GPHN: variants seen among roughly 807,000 people sequenced by gnomAD.
GPHN encodes gephyrin.
In GPHN, 17 loss-of-function variants were observed where a neutral mutation model predicts 95.5. The ratio of observed to expected loss-of-function variants is 0.18; its 90% CI spans 0.12 to 0.27. The LOEUF (loss-of-function observed/expected upper bound fraction) is 0.27, where lower values mean the gene tolerates loss of function less well. Among genes scored for constraint, GPHN ranks in the 10% least tolerant of loss-of-function variants. The pLI, the probability that GPHN is intolerant of heterozygous loss-of-function variation, is 1.00. For synonymous variants in GPHN, 320 were observed against 322.5 expected, an observed-to-expected ratio of 0.99 and a Z score of 0.08; for missense variants, 660 against 978.1, an observed-to-expected ratio of 0.67 and a Z score of 4.34.
chr14:66,523,092 G>A (rs541483610), intron 1 of GPHN, among the ~76,000 whole-genome samples: 2 of 152,000 alleles, frequency 1.3e-5, no homozygotes, highest in Admixed American at 1.3e-4. Context: ...AAATCTATTA[G>A]TGACGGCAAA....
intron 3 of GPHN, among the ~76,000 whole-genome samples, chr14:66,798,726 A>T (rs2060243498): frequency 6.6e-6 from 1 of 150,812 alleles, no homozygotes; most frequent in Non-Finnish European, 1.5e-5. Context: ...AATGTGGCTA[A>T]TGGTTTGTCA....
chr14:66,675,961 G>C (rs754874655), intron 1 of GPHN, among the ~76,000 whole-genome samples: 8 of 151,580 alleles, frequency 5.3e-5, no homozygotes, highest in Admixed American at 1.3e-4. Flanking sequence ...TGTTGATTTT[G>C]TATCCTGCAA....
the GPHN span, chr14:67,388,406 T>C: frequency 4.1e-6 from 3 of 739,776 alleles, no homozygotes; most frequent in Non-Finnish European, 7.4e-6. Context: ...GTGCAAATCA[T>C]TTGTAATAGA....
At chr14:67,721,310 A>G in the GPHN span, among the ~76,000 whole-genome samples, 1 of 152,142 alleles carries the variant, frequency 6.6e-6, no homozygotes, top group East Asian at 1.9e-4. Flanking sequence ...ACACACATCC[A>G]GAGGCACGAT....
the GPHN span, chr14:67,619,970 T>C: frequency 3.7e-4 from 590 of 1,577,304 alleles, 8 homozygotes; most frequent in South Asian, 6.3e-3. Context: ...TTCTCAGTGC[T>C]GCGGATCATG....
At chr14:67,267,749 G>A in the GPHN span, among the ~76,000 whole-genome samples, 1 of 152,068 alleles carries the variant, frequency 6.6e-6, no homozygotes, top group African/African-American at 2.4e-5. Context: ...GCCTTTTTCA[G>A]TCAGAATCTG....
chr14:67,250,605 A>T, the GPHN span, among the ~76,000 whole-genome samples: 1 of 152,216 alleles, frequency 6.6e-6, no homozygotes, highest in African/African-American at 2.4e-5. Context: ...CACACTGTTC[A>T]TACAATATGC....
intron 9 of GPHN, among the ~76,000 whole-genome samples, chr14:67,008,438 A>G (rs927131443): frequency 5.3e-5 from 8 of 151,780 alleles, no homozygotes; most frequent in African/African-American, 1.9e-4. Context: ...CAGGTGACAG[A>G]GTGAGACACC....
the GPHN span, chr14:67,616,790 A>T: frequency 6.6e-6 from 1 of 152,124 alleles, no homozygotes; most frequent in African/African-American, 2.4e-5. Context: ...TCATACACAT[A>T]TCCTGAAGGT....
intron 10 of GPHN, among the ~76,000 whole-genome samples, chr14:67,053,826 G>A (rs1337487267): frequency 1.3e-5 from 2 of 152,114 alleles, no homozygotes; most frequent in East Asian, 1.9e-4. Flanking sequence ...ATCAATAAAC[G>A]AGATTTATCA....
intron 8 of GPHN, among the ~76,000 whole-genome samples, chr14:66,962,932 A>C (rs2069058448): frequency 6.6e-6 from 1 of 151,948 alleles, no homozygotes; most frequent in South Asian, 2.1e-4. Context: ...CATAATAGGT[A>C]TAATCCTAGA....
the GPHN span, chr14:67,471,188 G>A: frequency 1.3e-5 from 2 of 152,294 alleles, no homozygotes; most frequent in Non-Finnish European, 2.9e-5. Flanking sequence ...ATAGGACCCA[G>A]AGAGGAAATG....
chr14:67,142,929 C>T, intron 17 of GPHN: 1 of 220,414 alleles, frequency 4.5e-6, no homozygotes, highest in Non-Finnish European at 9.1e-6. Flanking sequence ...TTCTCAGGGC[C>T]TCACCTAAGA....
At chr14:67,321,219 T>G in the GPHN span, 3 of 1,614,088 alleles carry the variant, frequency 1.9e-6, no homozygotes, top group African/African-American at 2.7e-5. Context: ...CGGCAAGTGA[T>G]CAACTCTGGC....
chr14:66,685,510 A>G (rs1566816302), intron 2 of GPHN, among the ~76,000 whole-genome samples: 1 of 152,152 alleles, frequency 6.6e-6, no homozygotes, highest in Non-Finnish European at 1.5e-5. Flanking sequence ...AGTGATGATG[A>G]GCATTTTTTC....
At chr14:67,275,255 T>A in the GPHN span, among the ~76,000 whole-genome samples, 1 of 152,150 alleles carries the variant, frequency 6.6e-6, no homozygotes, top group Non-Finnish European at 1.5e-5. Flanking sequence ...TGGCTGTGGG[T>A]TTGTCATAAA....
chr14:66,537,649 T>A (rs1250063304), intron 1 of GPHN, among the ~76,000 whole-genome samples: 1 of 152,242 alleles, frequency 6.6e-6, no homozygotes, highest in African/African-American at 2.4e-5. Flanking sequence ...ATGCTCATAA[T>A]TCATTTTTAC....
intron 4 of GPHN, among the ~76,000 whole-genome samples, chr14:66,840,736 CAA>C (rs553788734): frequency 0.029 from 2,325 of 81,112 alleles, 59 homozygotes; most frequent in African/African-American, 0.075. Flanking sequence ...GCAGGCCATA[CAA>C]AAAAAAAAAA....
chr14:66,654,307 A>G (rs754433085), intron 1 of GPHN, among the ~76,000 whole-genome samples: 3 of 151,906 alleles, frequency 2.0e-5, no homozygotes, highest in Non-Finnish European at 4.4e-5. Flanking sequence ...TTCAGCATCT[A>G]TGGTCTCGAA....
Sources: gnomAD v4.1 joint callset for allele counts (sites outside exome capture counted in the v4.1 genomes callset) on GRCh38, gnomAD v4.1.1 for gene constraint, MANE v1.5 for transcripts, NCBI Gene and HGNC (gene_info 2026-07-23, HGNC 2026-07-21) for gene names.